The following BAIAP2L1 variants were observed in gnomAD, a reference collection of about 807,000 sequenced individuals.
BAIAP2L1 encodes the protein BAR/IMD domain-containing adapter protein 2-like 1.
In BAIAP2L1, 35 loss-of-function variants were observed where a neutral mutation model predicts 66.3. The observed-to-expected ratio is 0.53, with a 90% CI of 0.40 to 0.70. BAIAP2L1 has a LOEUF of 0.70. BAIAP2L1 is among the 30% of genes least tolerant of loss of function. The pLI, the probability that BAIAP2L1 is intolerant of heterozygous loss-of-function variation, is 0.00. For synonymous variants in BAIAP2L1, 269 were observed against 248.7 expected, an observed-to-expected ratio of 1.08 and a Z score of -0.77; for missense variants, 622 against 656.9, an observed-to-expected ratio of 0.95 and a Z score of 0.58.
intron 3 of BAIAP2L1, among the ~76,000 whole-genome samples, chr7:98,332,811 A>C (rs1386234008): frequency 1.4e-4 from 20 of 145,092 alleles, no homozygotes; most frequent in African/African-American, 3.6e-4. Context: ...TTCGTCCCCA[A>C]AAAAAAAAAA....
At chr7:98,352,296 C>T (rs1453289377) in intron 3 of BAIAP2L1, among the ~76,000 whole-genome samples, 1 of 152,152 alleles carries the variant, frequency 6.6e-6, no homozygotes, top group African/African-American at 2.4e-5. Context: ...AAAAGGACAG[C>T]TTGAAACTAA....
At chr7:98,317,090 T>A (rs1046221413) in intron 6 of BAIAP2L1, 129 bp downstream of exon 6, 25 of 1,187,806 alleles carry the variant, frequency 2.1e-5, no homozygotes, top group Non-Finnish European at 3.0e-5. Context: ...TGACCTCATA[T>A]GATCCTACTG....
rs552526703 is a variant in BAIAP2L1, at chr7:98,365,555, C to T, written c.52-3123G>A. Among the ~76,000 whole-genome samples, 155 of 152,318 alleles carry T rather than the reference C, an allele frequency of 1.0e-3. 2 individuals carry two copies. The highest frequency in any genetic ancestry group is 3.4e-3 in the African/African-American group (142 of 41,578). On this transcript the variant is annotated intron_variant, in intron 1 of 13. Transcript: ENST00000005260. ...GTGTGATCCTGGCTCACTACAACCTCGGCCTCCCAGGCTCAAGTGATCCTC... is the reference window on the plus strand; with the variant it reads ...GTGTGATCCTGGCTCACTACAACCTTGGCCTCCCAGGCTCAAGTGATCCTC...
chr7:98,377,967 T>TAA (rs71112149), intron 1 of BAIAP2L1, among the ~76,000 whole-genome samples: 3 of 145,508 alleles, frequency 2.1e-5, no homozygotes, highest in African/African-American at 5.1e-5. Context: ...CCATCTCTAC[T>TAA]AAAAAAAAAA....
At chr7:98,365,195 G>A (rs574951203) in intron 1 of BAIAP2L1, among the ~76,000 whole-genome samples, 120 of 151,390 alleles carry the variant, frequency 7.9e-4, no homozygotes, top group African/African-American at 2.9e-3. Flanking sequence ...TTATTTTACC[G>A]GACACTCAGT....
At chr7:98,344,785 A>C (rs1256962411) in intron 3 of BAIAP2L1, among the ~76,000 whole-genome samples, 3 of 152,148 alleles carry the variant, frequency 2.0e-5, no homozygotes, top group Non-Finnish European at 4.4e-5. Context: ...AAATGCAAAA[A>C]ATTAGCCAGG....
chr7:98,329,340 C>T (rs562884496), intron 3 of BAIAP2L1, among the ~76,000 whole-genome samples: 1 of 152,298 alleles, frequency 6.6e-6, no homozygotes, highest in South Asian at 2.1e-4. Flanking sequence ...AATGCTGGGG[C>T]CATTCCTGGC....
At chr7:98,315,663 C>T (rs1801053257) in intron 6 of BAIAP2L1, 51 bp from the exon 7 acceptor site, 5 of 950,686 alleles carry the variant, frequency 5.3e-6, no homozygotes, top group African/African-American at 1.7e-5. Flanking sequence ...ATGACATGAG[C>T]ATCAGATAGC....
chr7:98,312,934 G>A (rs1800924726), intron 7 of BAIAP2L1, among the ~76,000 whole-genome samples: 1 of 152,154 alleles, frequency 6.6e-6, no homozygotes, highest in African/African-American at 2.4e-5. Context: ...CCCCCCAAGC[G>A]CTTCCAGTGA....
chr7:98,303,093 A>C (rs1043373455), intron 12 of BAIAP2L1, among the ~76,000 whole-genome samples: 1 of 152,218 alleles, frequency 6.6e-6, no homozygotes, highest in Non-Finnish European at 1.5e-5. Context: ...GGCTTCAAAG[A>C]CATTTTGAAT....
At chr7:98,392,500 TC>T (rs1803070831) in intron 1 of BAIAP2L1, among the ~76,000 whole-genome samples, 1 of 152,112 alleles carries the variant, frequency 6.6e-6, no homozygotes, top group Admixed American at 6.6e-5. Context: ...GACCCAGAGC[TC>T]CCTTCTGGGA....
chr7:98,306,800 T>TG, intron 10 of BAIAP2L1: 1 of 415,858 alleles, frequency 2.4e-6, no homozygotes, highest in Non-Finnish European at 4.4e-6. Flanking sequence ...CTCGAACTCA[T>TG]GGGCTCAAGC....
chr7:98,339,313 TGG>T (rs1801685122), intron 3 of BAIAP2L1, among the ~76,000 whole-genome samples: 1 of 152,176 alleles, frequency 6.6e-6, no homozygotes, highest in African/African-American at 2.4e-5. Flanking sequence ...GCCACTCTAT[TGG>T]GTGTGCTGTA....
chr7:98,308,996 A>G (rs1173842377), intron 9 of BAIAP2L1: 1 of 151,510 alleles, frequency 6.6e-6, no homozygotes, highest in Non-Finnish European at 1.5e-5. Flanking sequence ...TTTTCCATTC[A>G]AATTTTCCCA....
At chr7:98,317,159 C>T in intron 6 of BAIAP2L1, 60 bp downstream of exon 6, 1 of 1,610,496 alleles carries the variant, frequency 6.2e-7, no homozygotes, top group South Asian at 1.1e-5. Context: ...GGCTAACCTC[C>T]TCTTAAACTG....
chr7:98,320,687 CAG>C (rs1801217717), intron 3 of BAIAP2L1, among the ~76,000 whole-genome samples: 1 of 152,128 alleles, frequency 6.6e-6, no homozygotes, highest in Non-Finnish European at 1.5e-5. Context: ...CAGGGAAACA[CAG>C]AAATACACTG....
In BAIAP2L1 at chr7:98,304,241, T is replaced by C. The variant is rs765485115; in HGVS notation, c.1377A>G (p.Thr459=). Residue 459 remains threonine (T), a synonymous_variant, in exon 12 of 14, where the codon ACA becomes ACG. Coordinates refer to ENST00000005260, the MANE Select transcript of BAIAP2L1 (RefSeq NM_018842.5). Reference sequence around the variant, plus strand: ...TGGACGCTGGGGCCTTAAAGGTGGATGTCGTCCTGGCCGAATCTGCTCTCC... The same window carrying C: ...TGGACGCTGGGGCCTTAAAGGTGGACGTCGTCCTGGCCGAATCTGCTCTCC... ...ADRRADSART[T]STFKAPASKP... 1.9e-6 allele frequency: 3 copies of C among 1,613,114 alleles called. No homozygotes were observed. Among genetic ancestry groups the C allele is most frequent in the Admixed American group, 3.3e-5 (2 of 59,782 alleles).
chr7:98,355,204 C>T (rs370005699), intron 2 of BAIAP2L1, 76 bp from the exon 3 acceptor site: 1 of 1,015,572 alleles, frequency 9.8e-7, no homozygotes. Context: ...TTCTTCCAAA[C>T]ACCCCCTGGT....
chr7:98,358,352 AGTTTTTT>A (rs1802188268), intron 2 of BAIAP2L1, among the ~76,000 whole-genome samples: 2 of 151,260 alleles, frequency 1.3e-5, no homozygotes, highest in African/African-American at 4.9e-5. Flanking sequence ...GAAGCATATT[AGTTTTTT>A]GTTTTTTTTT....
Sources: allele counts gnomAD v4.1 joint callset (sites outside exome capture counted in the v4.1 genomes callset), GRCh38; gene constraint gnomAD v4.1.1; transcripts MANE v1.5; gene names NCBI Gene and HGNC (gene_info 2026-07-23, HGNC 2026-07-21).